ZRANB3: variants seen among roughly 807,000 people sequenced by gnomAD.
ZRANB3 encodes zinc finger RANBP2-type containing 3.
A neutral mutation model predicts 133.8 loss-of-function variants in ZRANB3; 125 were observed. That is an observed-to-expected ratio of 0.93 (90% confidence interval 0.81 to 1.08). ZRANB3 has a LOEUF of 1.08. ZRANB3 is among the 50% of genes least tolerant of loss of function. ZRANB3 has a pLI of 0.00. For missense variants in ZRANB3, 1,229 were observed against 1,275.5 expected (o/e 0.96, Z 0.56); for synonymous variants, 387 against 432.7 (o/e 0.89, Z 1.31).
Position 135,264,096 on chromosome 2 carries a change from G to T in ZRANB3, c.1539+1438C>A, listed in dbSNP as rs994384649. ...GAGCCACCACGCCTGGTCCATAGTGGTATTTTTTTAAAGTGGGGAGGTAAA... is the reference window on the plus strand; with the variant it reads ...GAGCCACCACGCCTGGTCCATAGTGTTATTTTTTTAAAGTGGGGAGGTAAA... On this transcript the variant is annotated intron_variant, in intron 12 of 20. Coordinates refer to ENST00000264159, the MANE Select transcript of ZRANB3 (RefSeq NM_032143.4). Among the ~76,000 whole-genome samples the T allele has an allele frequency of 2.6e-5, 4 of 151,520 alleles. No individual in the cohort carries two copies. The East Asian group carries it at 7.8e-4, about 29-fold the overall frequency.
chr2:135,251,181 A>G (rs1679373035), intron 12 of ZRANB3, among the ~76,000 whole-genome samples: 1 of 152,220 alleles, frequency 6.6e-6, no homozygotes, highest in African/African-American at 2.4e-5. Context: ...TCAGACTTGC[A>G]TGGGCCCTGT....
intron 3 of ZRANB3, among the ~76,000 whole-genome samples, chr2:135,363,360 C>G (rs1254417511): frequency 6.6e-6 from 1 of 152,066 alleles, no homozygotes; most frequent in African/African-American, 2.4e-5. Flanking sequence ...AGTCACAAGA[C>G]AGTAAAAAAT....
At chr2:135,520,093 T>G (rs560555270) in intron 1 of ZRANB3, among the ~76,000 whole-genome samples, 27 of 151,878 alleles carry the variant, frequency 1.8e-4, no homozygotes, top group East Asian at 5.8e-4. Flanking sequence ...TTTTTTTTTT[T>G]TTTGTTTTGG....
intron 2 of ZRANB3, among the ~76,000 whole-genome samples, chr2:135,437,627 AC>A (rs1381253055): frequency 1.3e-5 from 2 of 152,228 alleles, no homozygotes; most frequent in Non-Finnish European, 2.9e-5. Flanking sequence ...TAAAAAGCTT[AC>A]TTTAAAAAAT....
intron 3 of ZRANB3, among the ~76,000 whole-genome samples, chr2:135,381,312 C>A (rs748030350): frequency 2.0e-5 from 3 of 152,138 alleles, no homozygotes; most frequent in Non-Finnish European, 2.9e-5. Flanking sequence ...GAGGAGCGTC[C>A]GCCATTGCTG....
chr2:135,297,528 G>T (rs1414828377), intron 8 of ZRANB3, among the ~76,000 whole-genome samples: 7 of 152,332 alleles, frequency 4.6e-5, no homozygotes, highest in Admixed American at 2.6e-4. Context: ...CGCTTCACGG[G>T]TGAGGCGATG....
intron 2 of ZRANB3, among the ~76,000 whole-genome samples, chr2:135,448,971 G>A (rs1690147260): frequency 6.6e-6 from 1 of 152,154 alleles, no homozygotes; most frequent in Non-Finnish European, 1.5e-5. Context: ...GAGATTATGT[G>A]GGCCTATGAC....
chr2:135,452,864 C>A (rs1690334114), intron 2 of ZRANB3, among the ~76,000 whole-genome samples: 1 of 152,182 alleles, frequency 6.6e-6, no homozygotes, highest in Admixed American at 6.5e-5. Flanking sequence ...AGTGGATCTA[C>A]CATTCTGGGT....
intron 15 of ZRANB3, among the ~76,000 whole-genome samples, chr2:135,220,697 C>CAAAA (rs1222053120): frequency 3.6e-5 from 2 of 54,864 alleles, no homozygotes; most frequent in African/African-American, 5.8e-5. Flanking sequence ...GACTCCATCT[C>CAAAA]AAAAAAAAAA....
chr2:135,381,572 T>G (rs1351517965), intron 3 of ZRANB3, among the ~76,000 whole-genome samples: 1 of 152,048 alleles, frequency 6.6e-6, no homozygotes, highest in South Asian at 2.1e-4. Context: ...GACCCCTGAG[T>G]AGCCTAACTG....
chr2:135,384,020 A>T (rs2104916465), intron 3 of ZRANB3, among the ~76,000 whole-genome samples: 1 of 152,318 alleles, frequency 6.6e-6, no homozygotes, highest in East Asian at 1.9e-4. Flanking sequence ...AGGTAGAGAC[A>T]CAAAAAACCC....
intron 3 of ZRANB3, among the ~76,000 whole-genome samples, chr2:135,370,607 G>GA (rs34776966): frequency 6.6e-6 from 1 of 152,010 alleles, no homozygotes; most frequent in Non-Finnish European, 1.5e-5. Flanking sequence ...ATGGATACAG[G>GA]AAAAAAATGG....
At chr2:135,330,255 T>C (rs1684070928) in intron 6 of ZRANB3, among the ~76,000 whole-genome samples, 1 of 152,208 alleles carries the variant, frequency 6.6e-6, no homozygotes. Flanking sequence ...GTTACAGTTT[T>C]TGGCATGAAG....
chr2:135,246,990 A>G lies in ZRANB3; in HGVS notation c.1540-16063T>C, dbSNP rs545470835. Among the ~76,000 whole-genome samples, 4 of 152,354 alleles carry G rather than the reference A, an allele frequency of 2.6e-5. No individual in the cohort carries two copies. In the East Asian group the frequency reaches 7.7e-4, roughly 29 times the overall value. The stretch of plus-strand genomic sequence containing the variant: ...AAAAAAATCTAGTAAAACTCATAAA[A>G]AATAAAGCACTTCAAAGCTTGGTGC... On this transcript the variant is annotated intron_variant, in intron 12 of 20. Transcript: ENST00000264159.
chr2:135,331,290 C>A (rs1055613243), intron 6 of ZRANB3, among the ~76,000 whole-genome samples: 2 of 152,018 alleles, frequency 1.3e-5, no homozygotes, highest in African/African-American at 4.8e-5. Context: ...TCAAAGAACA[C>A]CTTTATTTCT....
At chr2:135,433,754 T>G (rs1056699210) in intron 2 of ZRANB3, among the ~76,000 whole-genome samples, 8 of 152,176 alleles carry the variant, frequency 5.3e-5, no homozygotes, top group Non-Finnish European at 2.9e-5. Flanking sequence ...ACCGGCACTT[T>G]GGGAGGCCGA....
chr2:135,339,238 C>T (rs958475618), intron 6 of ZRANB3, among the ~76,000 whole-genome samples: 4 of 152,128 alleles, frequency 2.6e-5, no homozygotes, highest in African/African-American at 9.7e-5. Flanking sequence ...GTGGTAAAAC[C>T]CGTCTCTACT....
chr2:135,482,444 T>C (rs1422017229), intron 2 of ZRANB3, among the ~76,000 whole-genome samples: 1 of 149,050 alleles, frequency 6.7e-6, no homozygotes, highest in African/African-American at 2.5e-5. Flanking sequence ...TAAGAATGCT[T>C]GTGATTTTTG....
intron 19 of ZRANB3, among the ~76,000 whole-genome samples, chr2:135,206,415 C>G (rs1294078859): frequency 1.3e-5 from 2 of 151,402 alleles, no homozygotes; most frequent in African/African-American, 4.9e-5. Flanking sequence ...ATTTTTTATA[C>G]TTTTAGTAGA....
Sources: gnomAD v4.1 joint callset for allele counts (sites outside exome capture counted in the v4.1 genomes callset) on GRCh38, gnomAD v4.1.1 for gene constraint, MANE v1.5 for transcripts, NCBI Gene and HGNC (gene_info 2026-07-23, HGNC 2026-07-21) for gene names.